BTF3: variants seen among roughly 807,000 people sequenced by gnomAD.
The protein encoded by BTF3 is transcription factor BTF3.
BTF3 carries 12 observed loss-of-function variants against 23.9 expected under a neutral mutation model. The ratio of observed to expected loss-of-function variants is 0.50; its 90% CI spans 0.32 to 0.81. The LOEUF (loss-of-function observed/expected upper bound fraction) is 0.81, where lower values mean the gene tolerates loss of function less well. BTF3 is among the 40% of genes least tolerant of loss of function. The pLI is 0.03. For missense variants in BTF3, 215 were observed against 255.9 expected, an observed-to-expected ratio of 0.84 and a Z score of 1.09; for synonymous variants, 96 against 94.8, an observed-to-expected ratio of 1.01 and a Z score of -0.07.
intron 2 of BTF3, among the ~76,000 whole-genome samples, chr5:73,502,138 G>A (rs953968613): frequency 2.9e-5 from 4 of 135,810 alleles, no homozygotes; most frequent in South Asian, 2.3e-4. Flanking sequence ...CAGCCTGGAC[G>A]ACACAGTGAG....
chr5:73,502,332 C>G (rs189329802), intron 2 of BTF3, among the ~76,000 whole-genome samples, 156 bp from the exon 3 acceptor site: 1 of 152,114 alleles, frequency 6.6e-6, no homozygotes, highest in Non-Finnish European at 1.5e-5. Flanking sequence ...CTTCTATCTT[C>G]GCCTTAGCCT....
rs1362880774 is a variant in BTF3 at position 73,499,221 on chromosome 5, G to C, written c.201+19G>C. 1.2e-6 allele frequency: 2 copies of C among 1,601,660 alleles called. No individual in the cohort carries two copies. Among genetic ancestry groups the C allele is most frequent in the Non-Finnish European group, 1.7e-6 (2 of 1,178,800 alleles). On this transcript the variant is annotated intron_variant, in intron 2 of 5. Transcript: ENST00000380591. ...TGGGAAAGTAAGTTTTAATAGTTCG[G>C]GTTTGTGGGTTTTTTTTTTAAGGTT...
intron 1 of BTF3, 22 bp from the exon 2 acceptor site, chr5:73,499,112 T>C: frequency 6.2e-7 from 1 of 1,603,166 alleles, no homozygotes; most frequent in Non-Finnish European, 8.5e-7. Context: ...CTATCCTTGC[T>C]GAGGATTTCC....
At chr5:73,500,518 G>A (rs1008413934) in intron 2 of BTF3, among the ~76,000 whole-genome samples, 24 of 152,102 alleles carry the variant, frequency 1.6e-4, no homozygotes, top group African/African-American at 5.8e-4. Flanking sequence ...TAAATTTTGT[G>A]TCCTAACATC....
chr5:73,503,170 T>A (rs6862039), intron 4 of BTF3, 53 bp downstream of exon 4: 166,243 of 1,577,260 alleles, frequency 0.11, 20,186 homozygotes, highest in East Asian at 0.54. Context: ...AGCAGCTGAT[T>A]TCTGATCTCA....
At position 73,498,721 on chromosome 5, in the gene BTF3, C is replaced by G; in HGVS notation, c.54C>G (p.Ala18=). ...AQADSRGRGR[A]RGGCPGGEAT... ...CTGACTCTCGGGGGCGAGGTCGAGC[C>G]AGGGGCGGCTGCCCTGGGGGCGAGG... The change falls in exon 1 of 6, where the codon GCC becomes GCG. Residue 18 remains alanine (A), a synonymous_variant. Transcript: ENST00000380591. The G allele has an allele frequency of 6.7e-7, 1 of 1,487,352 alleles. No individual in the cohort carries two copies. Among genetic ancestry groups the G allele is most frequent in the Non-Finnish European group, 8.9e-7 (1 of 1,129,438 alleles). 92.1% of individuals were successfully genotyped at this position (1,487,352 alleles called of 1,614,324 possible).
intron 2 of BTF3, among the ~76,000 whole-genome samples, chr5:73,501,785 T>C (rs1746441542): frequency 6.6e-6 from 1 of 152,346 alleles, no homozygotes; most frequent in Admixed American, 6.5e-5. Context: ...TCGAGTCCTA[T>C]AGAAGTCTAT....
At chr5:73,499,340 C>G (rs750871127) in intron 2 of BTF3, 138 bp downstream of exon 2, 2 of 730,360 alleles carry the variant, frequency 2.7e-6, no homozygotes, top group Non-Finnish European at 3.9e-6. Flanking sequence ...TAGCAAATCT[C>G]GAGGAGCGGG....
chr5:73,503,239 G>A, intron 4 of BTF3, 122 bp downstream of exon 4: 1 of 1,013,954 alleles, frequency 9.9e-7, no homozygotes, highest in Admixed American at 2.6e-5. Context: ...AAAAATAACA[G>A]ATTTGTAACT....
At chr5:73,505,111 T>G in intron 5 of BTF3, 81 bp from the exon 6 acceptor site, 1 of 1,149,242 alleles carries the variant, frequency 8.7e-7, no homozygotes, top group East Asian at 2.4e-5. Flanking sequence ...ATGAATGTCT[T>G]TCCTTCATCC....
intron 2 of BTF3, among the ~76,000 whole-genome samples, chr5:73,499,981 C>T (rs565066342): frequency 9.8e-5 from 15 of 152,300 alleles, no homozygotes; most frequent in African/African-American, 3.6e-4. Context: ...CATGTCTTTA[C>T]TTGGTAAAAC....
chr5:73,498,508 C>A lies in BTF3; in HGVS notation c.-160C>A. The A allele has an allele frequency of 4.4e-6, 5 of 1,136,090 alleles. No individual in the cohort carries two copies. The highest frequency in any genetic ancestry group is 5.8e-6 in the Non-Finnish European group (5 of 860,118). The allele number at this position is 1,136,090 out of a possible 1,614,324, so 70.4% of individuals were successfully genotyped here. A position where few individuals can be genotyped will look rare whatever the true frequency, so the allele number is the denominator to read the frequency against. On this transcript the variant is annotated 5_prime_UTR_variant, in exon 1 of 6. Coordinates refer to ENST00000380591, the MANE Select transcript of BTF3 (RefSeq NM_001037637.2). The stretch of plus-strand genomic sequence containing the variant: ...ATCTCAGGTGGTCCACCCGAGACCC[C>A]TTGAGCACCAACCCTAGTCCCCCGC...
intron 2 of BTF3, 129 bp from the exon 3 acceptor site, chr5:73,502,359 A>G (rs1399242185): frequency 1.6e-6 from 1 of 610,534 alleles, no homozygotes; most frequent in Admixed American, 3.7e-5. Flanking sequence ...TCACTGCATA[A>G]GTTTATGATT....
intron 2 of BTF3, among the ~76,000 whole-genome samples, chr5:73,500,350 ACTTT>A (rs1175008790): frequency 2.6e-5 from 4 of 152,042 alleles, no homozygotes; most frequent in African/African-American, 4.8e-5. Context: ...AACCACTCTT[ACTTT>A]CAGTACAGTT....
rs576614921 is a variant in BTF3, at chr5:73,505,114, C to T, written c.575-78C>T. The T allele has an allele frequency of 1.7e-5, 20 of 1,163,784 alleles. No individual in the cohort carries two copies. In the African/African-American group the frequency reaches 2.9e-4, roughly 17 times the overall value. The allele number at this position is 1,163,784 out of a possible 1,614,324, so 72.1% of individuals were successfully genotyped here. ...CATCATTGGCAAATGAATGTCTTTC[C>T]TTCATCCCCTTTTAATATCTGATAA... On this transcript the variant is annotated intron_variant, in intron 5 of 5. Coordinates refer to ENST00000380591, the MANE Select transcript of BTF3 (RefSeq NM_001037637.2).
At chr5:73,500,791 A>C (rs1746417655) in intron 2 of BTF3, among the ~76,000 whole-genome samples, 1 of 152,190 alleles carries the variant, frequency 6.6e-6, no homozygotes, top group Admixed American at 6.5e-5. Context: ...ACCTCTAGAA[A>C]GTATGCTGGG....
intron 2 of BTF3, among the ~76,000 whole-genome samples, chr5:73,502,158 CAAAAAAAAA>C (rs148360172): frequency 2.7e-4 from 21 of 77,078 alleles, no homozygotes; most frequent in African/African-American, 7.3e-4. Flanking sequence ...GACCCTGTCT[CAAAAAAAAA>C]AAAAAAAAAA....
chr5:73,499,565 G>C (rs1746384376), intron 2 of BTF3: 1 of 363,564 alleles, frequency 2.8e-6, no homozygotes, highest in African/African-American at 2.1e-5. Flanking sequence ...GTGCTTGTTT[G>C]TCTCTCTTGT....
intron 2 of BTF3, among the ~76,000 whole-genome samples, chr5:73,500,779 A>G (rs1174293642): frequency 6.6e-6 from 1 of 152,226 alleles, no homozygotes. Context: ...GAAGTGTATG[A>G]AACCTCTAGA....
Sources: gnomAD v4.1 joint callset for allele counts (sites outside exome capture counted in the v4.1 genomes callset) on GRCh38, gnomAD v4.1.1 for gene constraint, MANE v1.5 for transcripts, NCBI Gene and HGNC (gene_info 2026-07-23, HGNC 2026-07-21) for gene names.